Variants in STARD13 observed in about 807,000 individuals in gnomAD.
The protein encoded by STARD13 is StAR related lipid transfer domain containing 13.
STARD13 carries 62 observed loss-of-function variants against 106.4 expected under a neutral mutation model. That is an observed-to-expected ratio of 0.58 (90% CI 0.48 to 0.72). The LOEUF (loss-of-function observed/expected upper bound fraction) is 0.72. STARD13 is among the 30% of genes least tolerant of loss of function. STARD13 has a pLI of 0.00. For missense variants in STARD13, 1,387 were observed against 1,424.0 expected (o/e 0.97, Z 0.42); for synonymous variants, 565 against 553.0 (o/e 1.02, Z -0.31).
At chr13:33,136,559 T>G (rs1879084172) in intron 4 of STARD13, among the ~76,000 whole-genome samples, 1 of 152,172 alleles carries the variant, frequency 6.6e-6, no homozygotes, top group South Asian at 2.1e-4. Context: ...CCCTAATTGG[T>G]TTTTTACACT....
the STARD13 span, among the ~76,000 whole-genome samples, chr13:33,668,438 C>G: frequency 1.2e-4 from 19 of 152,208 alleles, no homozygotes; most frequent in African/African-American, 4.1e-4. Context: ...GTGAGGGTGG[C>G]TATGAGTTGA....
chr13:33,545,450 TGAAGC>T, the STARD13 span, among the ~76,000 whole-genome samples: 8 of 152,354 alleles, frequency 5.3e-5, no homozygotes, highest in Admixed American at 2.0e-4. Flanking sequence ...AATTCACTAA[TGAAGC>T]AGGCAGAGAA....
rs1323199804 is a variant in STARD13, at chr13:33,130,462, C to T, written c.388-173G>A. Reference sequence around the variant, plus strand: ...GCTGTCCTTCTACCACTTGCACTGTCTTGTACATACCCTTCCTCCCAGTGG... The same window carrying T: ...GCTGTCCTTCTACCACTTGCACTGTTTTGTACATACCCTTCCTCCCAGTGG... On this transcript the variant is annotated intron_variant, in intron 4 of 13. Transcript: ENST00000336934. The surrounding 1 kb of genome is among the most constrained non-coding windows in gnomAD (Gnocchi z 4.1). Among the ~76,000 whole-genome samples the T allele has an allele frequency of 6.6e-6, 1 of 152,214 alleles. No individual in the cohort carries two copies. Among genetic ancestry groups the T allele is most frequent in the African/African-American group, 2.4e-5 (1 of 41,462 alleles).
the STARD13 span, among the ~76,000 whole-genome samples, chr13:33,518,073 G>T: frequency 5.3e-5 from 8 of 152,122 alleles, no homozygotes; most frequent in Admixed American, 3.3e-4. Context: ...GAGACTAGAA[G>T]TTGGGGGCAG....
At chr13:33,142,238 T>C in intron 4 of STARD13, 72 bp downstream of exon 4, 1 of 1,150,340 alleles carries the variant, frequency 8.7e-7, no homozygotes, top group South Asian at 1.2e-5. Context: ...TCTCACTATG[T>C]TGCTCAGATT....
the STARD13 span, among the ~76,000 whole-genome samples, chr13:33,629,032 T>G: frequency 6.6e-6 from 1 of 152,344 alleles, no homozygotes; most frequent in South Asian, 2.1e-4. Context: ...TTCTTAGCTA[T>G]GTTGAGCTTG....
intron 1 of STARD13, among the ~76,000 whole-genome samples, chr13:33,230,931 T>C (rs1295633977): frequency 6.6e-6 from 1 of 152,220 alleles, no homozygotes; most frequent in African/African-American, 2.4e-5. Context: ...AGTGCCAAGA[T>C]ACGGGCATAG....
the STARD13 span, among the ~76,000 whole-genome samples, chr13:33,639,308 G>A: frequency 6.6e-6 from 1 of 152,188 alleles, no homozygotes; most frequent in Non-Finnish European, 1.5e-5. Context: ...TGGGACTGAG[G>A]GAGAAGCAGG....
the STARD13 span, among the ~76,000 whole-genome samples, chr13:33,487,341 G>C: frequency 1.3e-5 from 2 of 152,266 alleles, no homozygotes; most frequent in South Asian, 4.1e-4. Context: ...CTGGGATCTA[G>C]TTAGTCCAGT....
the STARD13 span, among the ~76,000 whole-genome samples, chr13:33,501,880 G>C: frequency 3.0e-4 from 46 of 151,734 alleles, no homozygotes; most frequent in Non-Finnish European, 5.6e-4. Flanking sequence ...TTTTGGTTCC[G>C]TATGATCTTT....
chr13:33,284,829 C>A (rs1891975643), intron 1 of STARD13, among the ~76,000 whole-genome samples: 1 of 151,808 alleles, frequency 6.6e-6, no homozygotes. Flanking sequence ...AGCTTATAAT[C>A]AATATTCTCT....
chr13:33,506,044 C>A, the STARD13 span, among the ~76,000 whole-genome samples: 7 of 152,062 alleles, frequency 4.6e-5, no homozygotes, highest in African/African-American at 1.4e-4. Flanking sequence ...CCAACTGTAC[C>A]CATAGTCACT....
chr13:33,492,388 T>C, the STARD13 span, among the ~76,000 whole-genome samples: 4 of 152,140 alleles, frequency 2.6e-5, no homozygotes, highest in Non-Finnish European at 4.4e-5. Context: ...CCATCTTGAA[T>C]AGGGGCTGGA....
Position 33,106,893 on chromosome 13 carries a change from A to G in STARD13, c.3089T>C (p.Val1030Ala). The G allele has an allele frequency of 3.7e-6, 6 of 1,614,156 alleles. No individual in the cohort carries two copies. The highest frequency in any genetic ancestry group is 5.1e-6 in the Non-Finnish European group (6 of 1,180,006). Residue 1030 changes from valine to alanine, a missense_variant, in exon 13 of 14, where the codon GTG becomes GCG. Val to Ala is a moderately conservative substitution (Grantham distance 64, BLOSUM62 0). Coordinates refer to ENST00000336934, the MANE Select transcript of STARD13 (RefSeq NM_178006.4). ...TTCCTCATGCTCCACGGAGAGGGACACCAGGGTACACATTCCTTTGGGCAA... is the reference window on the plus strand; with the variant it reads ...TTCCTCATGCTCCACGGAGAGGGACGCCAGGGTACACATTCCTTTGGGCAA... ...TDLPKGMCTL[V>A]SLSVEHEEAQ...
chr13:33,528,580 A>G, the STARD13 span, among the ~76,000 whole-genome samples: 1 of 151,786 alleles, frequency 6.6e-6, no homozygotes, highest in East Asian at 1.9e-4. Flanking sequence ...GCCCTGAGCT[A>G]ATATAATTTG....
At chr13:33,487,214 C>T in the STARD13 span, among the ~76,000 whole-genome samples, 1 of 152,166 alleles carries the variant, frequency 6.6e-6, no homozygotes, top group Non-Finnish European at 1.5e-5. Context: ...ACTCTTTTAG[C>T]ACAAAGTAAG....
intron 1 of STARD13, among the ~76,000 whole-genome samples, chr13:33,298,525 G>A (rs75633033): frequency 0.012 from 1,757 of 151,712 alleles, 31 homozygotes; most frequent in African/African-American, 0.041. Context: ...ACCAAACCAC[G>A]CACCACCTTT....
the STARD13 span, among the ~76,000 whole-genome samples, chr13:33,644,576 CAG>C: frequency 4.6e-5 from 7 of 152,066 alleles, no homozygotes; most frequent in Non-Finnish European, 1.0e-4. Context: ...CAATGAGAGG[CAG>C]AGAGAGTTGA....
chr13:33,214,078 G>T (rs180824749), intron 1 of STARD13, among the ~76,000 whole-genome samples: 2 of 152,272 alleles, frequency 1.3e-5, no homozygotes, highest in East Asian at 3.9e-4. Flanking sequence ...TTCATTCGGG[G>T]TTCGCATCAC....
Sources: gnomAD v4.1 joint callset for allele counts (sites outside exome capture counted in the v4.1 genomes callset) on GRCh38, gnomAD v4.1.1 for gene constraint, Gnocchi (gnomAD v3.1) non-coding constraint, MANE v1.5 for transcripts, NCBI Gene and HGNC (gene_info 2026-07-23, HGNC 2026-07-21) for gene names.